The following DGKI variants were observed in gnomAD, a reference collection of about 807,000 sequenced individuals.
DGKI encodes diacylglycerol kinase iota, also known as DAG kinase iota.
In DGKI, 55 loss-of-function variants were observed where a neutral mutation model predicts 147.5. The observed-to-expected ratio is 0.37, with a 90% CI of 0.30 to 0.47. The LOEUF (loss-of-function observed/expected upper bound fraction) is 0.47. Ranked by LOEUF, DGKI falls within the 20% of genes least tolerant of loss-of-function variation. The pLI is 1.00. For missense variants in DGKI, 1,007 were observed against 1,323.8 expected (o/e 0.76, Z 3.71); for synonymous variants, 469 against 477.1 (o/e 0.98, Z 0.22).
At chr7:137,465,503 TA>T (rs1814619281) in intron 26 of DGKI, among the ~76,000 whole-genome samples, 1 of 152,216 alleles carries the variant, frequency 6.6e-6, no homozygotes, top group Non-Finnish European at 1.5e-5. Context: ...AAGGGCTTGG[TA>T]TGTCATAGTT....
At chr7:137,626,206 AC>A (rs1820935046) in intron 6 of DGKI, among the ~76,000 whole-genome samples, 1 of 152,078 alleles carries the variant, frequency 6.6e-6, no homozygotes, top group African/African-American at 2.4e-5. Context: ...GAATCACTGA[AC>A]CTGGGGTGGT....
chr7:137,534,442 T>C (rs1249618409), intron 20 of DGKI, among the ~76,000 whole-genome samples: 2 of 152,130 alleles, frequency 1.3e-5, no homozygotes, highest in African/African-American at 2.4e-5. Context: ...ATAGTCTGCA[T>C]GTATTTCTGC....
chr7:137,700,521 T>G (rs1823941588), intron 1 of DGKI, among the ~76,000 whole-genome samples: 1 of 152,214 alleles, frequency 6.6e-6, no homozygotes, highest in African/African-American at 2.4e-5. Flanking sequence ...CTTTTGCAAC[T>G]CTACCAAATT....
intron 1 of DGKI, among the ~76,000 whole-genome samples, chr7:137,765,754 G>T (rs573674070): frequency 5.3e-5 from 8 of 152,308 alleles, no homozygotes; most frequent in African/African-American, 1.7e-4. Flanking sequence ...CTCAGGTCTG[G>T]ATGGACTCTA....
intron 2 of DGKI, 58 bp from the exon 3 acceptor site, chr7:137,678,710 A>G: frequency 6.8e-7 from 1 of 1,473,472 alleles, no homozygotes; most frequent in East Asian, 2.3e-5. Context: ...AAGGAAAACT[A>G]TTTCAAATTT....
chr7:137,543,206 T>C (rs999804031), intron 20 of DGKI, among the ~76,000 whole-genome samples: 3 of 152,228 alleles, frequency 2.0e-5, no homozygotes, highest in Non-Finnish European at 4.4e-5. Context: ...TGTACATGTG[T>C]CTTCCAATGA....
chr7:137,501,032 T>C (rs1002665159), intron 21 of DGKI, among the ~76,000 whole-genome samples: 7 of 152,116 alleles, frequency 4.6e-5, no homozygotes, highest in Non-Finnish European at 7.4e-5. Context: ...ACCCCTACGC[T>C]TCCAAGTCTC....
At chr7:137,717,755 A>G (rs756824565) in intron 1 of DGKI, among the ~76,000 whole-genome samples, 6 of 152,224 alleles carry the variant, frequency 3.9e-5, no homozygotes, top group Non-Finnish European at 1.5e-5. Flanking sequence ...AAGTTCTAAC[A>G]AGGGGTTGGA....
chr7:137,822,990 G>T (rs528136207), intron 1 of DGKI, among the ~76,000 whole-genome samples: 28 of 151,576 alleles, frequency 1.8e-4, no homozygotes, highest in African/African-American at 6.8e-4. Flanking sequence ...AGATACATTG[G>T]CTATTTAATA....
intron 1 of DGKI, among the ~76,000 whole-genome samples, chr7:137,808,129 T>A (rs1797439457): frequency 6.6e-6 from 1 of 152,192 alleles, no homozygotes. Flanking sequence ...TGTAATCTCT[T>A]TGAGAGTAAG....
At chr7:137,731,649 T>G (rs1412622009) in intron 1 of DGKI, among the ~76,000 whole-genome samples, 2 of 152,076 alleles carry the variant, frequency 1.3e-5, no homozygotes, top group Admixed American at 1.3e-4. Context: ...GACTCACATT[T>G]CTCCTTGCAT....
rs574394328 is a variant in DGKI at position 137,450,426 on chromosome 7, A to G, written c.2736-6324T>C. Among the ~76,000 whole-genome samples the G allele has an allele frequency of 4.5e-4, 68 of 152,274 alleles. No individual in the cohort carries two copies. The South Asian group carries it at 0.014, about 31-fold the overall frequency. ...TCAATTTTAAAATTATTTTTAAAGA[A>G]CTAGAATAATAGCTGGGCATGGTGG... On this transcript the variant is annotated intron_variant, in intron 27 of 32. Coordinates refer to ENST00000614521, the MANE Select transcript of DGKI (RefSeq NM_001321708.2).
rs182491037 is a variant in DGKI at position 137,484,926 on chromosome 7, G to T, written c.2373+448C>A. ...CTGGTTGCTAATGGCAGTCATCTTG[G>T]ACCACAAAGTCATCTAGCCCAGAGG... On this transcript the variant is annotated intron_variant, in intron 23 of 32. Coordinates refer to ENST00000614521, the MANE Select transcript of DGKI (RefSeq NM_001321708.2). Among the ~76,000 whole-genome samples, 419 of 152,062 alleles carry T rather than the reference G, an allele frequency of 2.8e-3. 1 individual carries two copies. Among genetic ancestry groups the T allele is most frequent in the Non-Finnish European group, 4.5e-3 (309 of 67,926 alleles).
intron 1 of DGKI, among the ~76,000 whole-genome samples, chr7:137,806,261 A>C (rs946481474): frequency 6.6e-6 from 1 of 152,206 alleles, no homozygotes; most frequent in Non-Finnish European, 1.5e-5. Context: ...AGGTGTTGTT[A>C]TTCCCCACTT....
At chr7:137,678,048 T>C (rs1043730638) in intron 3 of DGKI, among the ~76,000 whole-genome samples, 1 of 152,192 alleles carries the variant, frequency 6.6e-6, no homozygotes, top group Non-Finnish European at 1.5e-5. Context: ...GTTGATTGTT[T>C]ATATTATTTC....
chr7:137,716,388 G>A (rs1794377448), intron 1 of DGKI, among the ~76,000 whole-genome samples: 1 of 152,136 alleles, frequency 6.6e-6, no homozygotes, highest in Non-Finnish European at 1.5e-5. Flanking sequence ...AATTCCCACA[G>A]GTATCTCCAA....
At chr7:137,675,225 C>A (rs528397489) in intron 3 of DGKI, among the ~76,000 whole-genome samples, 2 of 152,130 alleles carry the variant, frequency 1.3e-5, no homozygotes, top group Non-Finnish European at 2.9e-5. Context: ...GAAACATGGC[C>A]ACCCACGTTA....
intron 1 of DGKI, among the ~76,000 whole-genome samples, chr7:137,723,667 G>A (rs561988592): frequency 2.7e-5 from 4 of 149,802 alleles, no homozygotes; most frequent in East Asian, 3.9e-4. Flanking sequence ...TAGGGCAAGG[G>A]ATGCTGATTT....
intron 7 of DGKI, among the ~76,000 whole-genome samples, chr7:137,620,755 T>C (rs1820719341): frequency 2.0e-5 from 3 of 152,144 alleles, no homozygotes; most frequent in Admixed American, 2.0e-4. Context: ...GCCAGTCAAG[T>C]TTTCAACCAT....
Sources: allele counts gnomAD v4.1 joint callset (sites outside exome capture counted in the v4.1 genomes callset), GRCh38; gene constraint gnomAD v4.1.1; transcripts MANE v1.5; gene names NCBI Gene and HGNC (gene_info 2026-07-23, HGNC 2026-07-21).